Variants in TNXB observed in about 807,000 individuals in gnomAD.
TNXB encodes tenascin XB.
Under a neutral mutation model 340.5 loss-of-function variants are expected in TNXB, and 183 were observed. The observed-to-expected ratio is 0.54, with a 90% CI of 0.48 to 0.61. The LOEUF is 0.61. Among genes scored for constraint, TNXB ranks in the 20% least tolerant of loss-of-function variants. TNXB has a pLI of 0.00. For synonymous variants in TNXB, 2,121 were observed against 2,314.5 expected (o/e 0.92, Z 2.40); for missense variants, 4,613 against 5,446.4 (o/e 0.85, Z 4.82).
intron 3 of TNXB, 168 bp downstream of exon 3, chr6:32,095,443 C>G (rs1017437797): frequency 2.4e-6 from 2 of 844,474 alleles, no homozygotes; most frequent in Non-Finnish European, 3.6e-6. Flanking sequence ...GAAGGCCAGT[C>G]CTGCCCACTG....
chr6:32,088,665 A>T lies in TNXB; in HGVS notation c.2779+120T>A, dbSNP rs1779927343. ...CAAGGCCCCCAGCAGGTGCCTCGAGACTGCCACACACCTGCCAGAAGCATT... is the reference window on the plus strand; with the variant it reads ...CAAGGCCCCCAGCAGGTGCCTCGAGTCTGCCACACACCTGCCAGAAGCATT... On this transcript the variant is annotated intron_variant, in intron 6 of 43. Coordinates refer to ENST00000644971, the MANE Select transcript of TNXB (RefSeq NM_001365276.2). 4 of 1,405,908 alleles carry T rather than the reference A, an allele frequency of 2.8e-6. No individual in the cohort carries two copies. The East Asian group carries it at 7.5e-5, about 26-fold the overall frequency. The allele number at this position is 1,405,908 out of a possible 1,614,324, so 87.1% of individuals were successfully genotyped here. A position where few individuals can be genotyped will look rare whatever the true frequency, so the allele number is the denominator to read the frequency against.
chr6:32,087,647 C>G lies in TNXB; in HGVS notation c.2779+1138G>C. On this transcript the variant is annotated intron_variant, in intron 6 of 43. Transcript: ENST00000644971. This position sits in a 1 kb window ranked among gnomAD's most constrained non-coding sequence, Gnocchi z 9.0. Reference sequence around the variant, plus strand: ...TGGCGGGGCGGGGGTGCGGGGGAGCCGGCTGGGGCGGCGGCCAACAGACGC... The same window carrying G: ...TGGCGGGGCGGGGGTGCGGGGGAGCGGGCTGGGGCGGCGGCCAACAGACGC... 4.8e-6 allele frequency: 2 copies of G among 418,058 alleles called. No homozygotes were observed. The highest frequency in any genetic ancestry group is 3.4e-5 in the South Asian group (2 of 58,452). 25.9% of individuals were successfully genotyped at this position (418,058 alleles called of 1,614,324 possible).
rs754322878 is a variant in TNXB at position 32,073,509 on chromosome 6, G to C, written c.4681+138C>G. On this transcript the variant is annotated intron_variant, in intron 12 of 43. Transcript: ENST00000644971. This position sits in a 1 kb window ranked among gnomAD's most constrained non-coding sequence, Gnocchi z 4.6. The stretch of plus-strand genomic sequence containing the variant: ...GGTCAGGGAACAGAAAGACTGGCAG[G>C]GTCACCGAGCCAGGGCCTGAGGGGA... 13 of 711,066 alleles carry C rather than the reference G, an allele frequency of 1.8e-5. No individual in the cohort carries two copies. Among genetic ancestry groups the C allele is most frequent in the Non-Finnish European group, 3.0e-5 (13 of 437,564 alleles). The allele number at this position is 711,066 out of a possible 1,614,324, so 44.0% of individuals were successfully genotyped here.
In TNXB at chr6:32,085,619, C is replaced by A; in HGVS notation, c.3148+131G>T. 9.1e-7 allele frequency: 1 copy of A among 1,097,664 alleles called. No homozygotes were observed. The highest frequency in any genetic ancestry group is 1.2e-6 in the Non-Finnish European group (1 of 820,410). 68.0% of individuals were successfully genotyped at this position (1,097,664 alleles called of 1,614,324 possible). On this transcript the variant is annotated intron_variant, in intron 7 of 43. Transcript: ENST00000644971. This position sits in a 1 kb window ranked among gnomAD's most constrained non-coding sequence, Gnocchi z 6.4. The stretch of plus-strand genomic sequence containing the variant: ...GCAATTCCTTTTCTCTCCTTTTCTC[C>A]TCTATCCAGCCCCAAACATCAGCCC...
In TNXB at chr6:32,055,967, C is replaced by G; in HGVS notation, c.8351G>C (p.Gly2784Ala). Reference sequence around the variant, plus strand: ...CCCCACGGTGACCTCGCTCTCCTCGCCCCTGACACGCATCACCTGGGGCCG... The same window carrying G: ...CCCCACGGTGACCTCGCTCTCCTCGGCCCTGACACGCATCACCTGGGGCCG... Reference protein sequence around the residue: ...DGRPQVMRVRGEESEVTVGGL... With the variant: ...DGRPQVMRVRAEESEVTVGGL... Residue 2784 changes from glycine (G) to alanine (A), a missense_variant, in exon 24 of 44, where the codon GGC becomes GCC. Gly to Ala is a moderately conservative substitution (Grantham distance 60). Coordinates refer to ENST00000644971, the MANE Select transcript of TNXB (RefSeq NM_001365276.2). The G allele has an allele frequency of 6.2e-7, 1 of 1,613,496 alleles. No homozygotes were observed. The highest frequency in any genetic ancestry group is 2.2e-5 in the East Asian group (1 of 44,876).
chr6:32,046,324 G>A lies in TNXB; in HGVS notation c.10457C>T (p.Thr3486Met), dbSNP rs368518664. The A allele has an allele frequency of 1.5e-4, 245 of 1,606,640 alleles. No individual in the cohort carries two copies. The highest frequency in any genetic ancestry group is 4.0e-4 in the Admixed American group (24 of 59,994). The stretch of plus-strand genomic sequence containing the variant: ...AGGCACTGCCCTGGGCTGCCCGTCC[G>A]TGTCCCTGTACTGGACCACGAAGGA... ...FDSFVVQYRD[T>M]DGQPRAVPVA... Residue 3486 changes from threonine (T) to methionine (M), a missense_variant, in exon 31 of 44, where the codon ACG becomes ATG. Thr to Met is a moderately conservative substitution (Grantham distance 81). This residue lies in a region of TNXB where 4,327 missense variants were observed against 4,859.4 expected (regional missense o/e 0.89). Transcript: ENST00000644971. The surrounding 1 kb of genome is among the most constrained non-coding windows in gnomAD (Gnocchi z 6.9).
Position 32,073,591 on chromosome 6 carries a change from G to A in TNXB, c.4681+56C>T. ...AAGGCAGGGCTGGAAGAAGGGCCAT[G>A]GGGTGGGGGAGCTCTGGGTAACCAG... On this transcript the variant is annotated intron_variant, in intron 12 of 43. Coordinates refer to ENST00000644971, the MANE Select transcript of TNXB (RefSeq NM_001365276.2). This position sits in a 1 kb window ranked among gnomAD's most constrained non-coding sequence, Gnocchi z 4.6. 6.6e-7 allele frequency: 1 copy of A among 1,508,034 alleles called. No homozygotes were observed. The allele number at this position is 1,508,034 out of a possible 1,614,324, so 93.4% of individuals were successfully genotyped here.
At chr6:32,099,566 C>G (rs1266367385) in intron 1 of TNXB, among the ~76,000 whole-genome samples, 1 of 152,028 alleles carries the variant, frequency 6.6e-6, no homozygotes, top group Non-Finnish European at 1.5e-5. Flanking sequence ...GCTCAACCCC[C>G]TGGTTGAAGC....
chr6:32,106,216 T>C (rs745954187), intron 1 of TNXB, among the ~76,000 whole-genome samples: 12 of 151,680 alleles, frequency 7.9e-5, no homozygotes, highest in Non-Finnish European at 1.6e-4. Context: ...TTGTGGAGTT[T>C]ACTGAGGCAG....
intron 11 of TNXB, among the ~76,000 whole-genome samples, chr6:32,078,135 A>AAAGAAAG (rs1562845439): frequency 1.2e-4 from 17 of 138,818 alleles, no homozygotes; most frequent in East Asian, 4.6e-4. Flanking sequence ...AAGAAAGAAA[A>AAAGAAAG]AGAGAGAAAG....
At position 32,058,459 on chromosome 6, in the gene TNXB, A is replaced by G; in HGVS notation, c.7493-69T>C. 7.5e-7 allele frequency: 1 copy of G among 1,331,728 alleles called. No homozygotes were observed. The highest frequency in any genetic ancestry group is 1.0e-6 in the Non-Finnish European group (1 of 984,226). The allele number at this position is 1,331,728 out of a possible 1,614,324, so 82.5% of individuals were successfully genotyped here. ...GCAACTTGCTTTGCTGGTGCTGTCA[A>G]CAGAGGTCATACATCAAATGTGCCC... On this transcript the variant is annotated intron_variant, in intron 21 of 43. Coordinates refer to ENST00000644971, the MANE Select transcript of TNXB (RefSeq NM_001365276.2). The surrounding 1 kb of genome is among the most constrained non-coding windows in gnomAD (Gnocchi z 5.1).
At chr6:32,054,146 G>A (rs977832630) in intron 24 of TNXB, among the ~76,000 whole-genome samples, 3 of 152,052 alleles carry the variant, frequency 2.0e-5, no homozygotes, top group African/African-American at 7.2e-5. Flanking sequence ...CAGCCTCAGA[G>A]TACCTCTCCC....
In TNXB at chr6:32,042,572, C is replaced by T. The variant is rs1776509830; in HGVS notation, c.12093G>A (p.Gly4031=). 1 of 1,598,288 alleles carries T rather than the reference C, an allele frequency of 6.3e-7. No individual in the cohort carries two copies. Among genetic ancestry groups the T allele is most frequent in the African/African-American group, 1.3e-5 (1 of 74,468 alleles). ...CACCGGCTCCGTTCTGCATCTCCTC[C>T]CCGCAGTCCCTGGGGAAGGGGATCC... is the stretch of plus-strand genomic sequence containing the variant. ...GLRIPFPRDC[G]EEMQNGAGAS... Residue 4031 remains glycine, a synonymous_variant, in exon 40 of 44, where the codon GGG becomes GGA. Transcript: ENST00000644971.
Position 32,049,682 on chromosome 6 carries a change from G to A in TNXB, c.9440-95C>T, listed in dbSNP as rs1378689093. The A allele has an allele frequency of 2.1e-6, 3 of 1,400,982 alleles. No individual in the cohort carries two copies. The highest frequency in any genetic ancestry group is 1.4e-5 in the South Asian group (1 of 72,766). 86.8% of individuals were successfully genotyped at this position (1,400,982 alleles called of 1,614,324 possible). ...CCAAGGCTATGACTGGGGGACCTGAGGTCATTTCAGAGAAGTCCATTCTTG... is the reference window on the plus strand; with the variant it reads ...CCAAGGCTATGACTGGGGGACCTGAAGTCATTTCAGAGAAGTCCATTCTTG... On this transcript the variant is annotated intron_variant, in intron 27 of 43. Transcript: ENST00000644971. This position sits in a 1 kb window ranked among gnomAD's most constrained non-coding sequence, Gnocchi z 4.5.
In TNXB at chr6:32,081,263, T is replaced by G; in HGVS notation, c.4042+105A>C. The G allele has an allele frequency of 3.6e-5, 43 of 1,195,120 alleles. No individual in the cohort carries two copies. The highest frequency in any genetic ancestry group is 4.6e-5 in the Non-Finnish European group (40 of 863,538). 74.0% of individuals were successfully genotyped at this position (1,195,120 alleles called of 1,614,324 possible). ...GAAGTGGGTGGAGGCTTTGGCAAAA[T>G]GAGCTGAGAAGGCGAAGATGGAGGG... On this transcript the variant is annotated intron_variant, in intron 10 of 43. Transcript: ENST00000644971. This position sits in a 1 kb window ranked among gnomAD's most constrained non-coding sequence, Gnocchi z 5.1.
intron 13 of TNXB, among the ~76,000 whole-genome samples, chr6:32,071,787 T>C (rs1778788686): frequency 6.6e-6 from 1 of 152,176 alleles, no homozygotes; most frequent in African/African-American, 2.4e-5. Flanking sequence ...GGTTTTGCCA[T>C]GTTGGCCAGA....
At position 32,074,316 on chromosome 6, in the gene TNXB, AC is replaced by A. The variant is rs1307972938; in HGVS notation, c.4376-365del. Among the ~76,000 whole-genome samples the A allele has an allele frequency of 1.3e-5, 2 of 152,076 alleles. No homozygotes were observed. Among genetic ancestry groups the A allele is most frequent in the Admixed American group, 6.6e-5 (1 of 15,264 alleles). ...TGGGATTACAGGTGTGAGCCACCAC[AC>A]CCAGCGATGTCTGTTGCATTTGTGG... On this transcript the variant is annotated intron_variant, in intron 11 of 43. Coordinates refer to ENST00000644971, the MANE Select transcript of TNXB (RefSeq NM_001365276.2). This position sits in a 1 kb window ranked among gnomAD's most constrained non-coding sequence, Gnocchi z 5.5.
At chr6:32,078,043 A>C (rs1779179529) in intron 11 of TNXB, among the ~76,000 whole-genome samples, 1 of 149,636 alleles carries the variant, frequency 6.7e-6, no homozygotes, top group Admixed American at 6.7e-5. Context: ...GAAAAAAAGA[A>C]AGAAAGAGAG....
At position 32,080,130 on chromosome 6, in the gene TNXB, TCAGGGAG is replaced by T. The variant is rs1189588007; in HGVS notation, c.4043-772_4043-766del. On this transcript the variant is annotated intron_variant, in intron 10 of 43. Coordinates refer to ENST00000644971, the MANE Select transcript of TNXB (RefSeq NM_001365276.2). The surrounding 1 kb of genome is among the most constrained non-coding windows in gnomAD (Gnocchi z 4.3). Reference sequence around the variant, plus strand: ...AAAAGATTACTGGGAAGTGAGAGAGTCAGGGAGAAATTGCAGCTCACTCTGAAAATGC... The same window carrying T: ...AAAAGATTACTGGGAAGTGAGAGAGTAAATTGCAGCTCACTCTGAAAATGC... Among the ~76,000 whole-genome samples the T allele has an allele frequency of 1.3e-5, 2 of 151,630 alleles. No homozygotes were observed. Among genetic ancestry groups the T allele is most frequent in the Non-Finnish European group, 2.9e-5 (2 of 67,914 alleles).
Sources: gnomAD v4.1 joint callset for allele counts (sites outside exome capture counted in the v4.1 genomes callset) on GRCh38, gnomAD v4.1.1 for gene constraint, gnomAD v4.1.1 regional missense constraint, Gnocchi (gnomAD v3.1) non-coding constraint, MANE v1.5 for transcripts, NCBI Gene and HGNC (gene_info 2026-07-23, HGNC 2026-07-21) for gene names.